Variants in SRM observed in about 807,000 individuals in gnomAD.
SRM encodes the protein putrescine aminopropyltransferase.
A neutral mutation model predicts 39.3 loss-of-function variants in SRM; 14 were observed. The observed-to-expected ratio is 0.36, with a 90% CI of 0.24 to 0.56. The LOEUF is 0.56. Ranked by LOEUF, SRM falls within the 20% of genes least tolerant of loss-of-function variation. The probability of loss-of-function intolerance (pLI) is 0.86; values close to 1 mark genes in which losing one functional copy is unlikely to be tolerated. For synonymous variants in SRM, 195 were observed against 173.1 expected, an observed-to-expected ratio of 1.13 and a Z score of -0.99; for missense variants, 244 against 409.2, an observed-to-expected ratio of 0.60 and a Z score of 3.48.
intron 6 of SRM, 163 bp from the exon 7 acceptor site, chr1:11,055,247 G>A (rs1638851880): frequency 7.6e-6 from 8 of 1,053,308 alleles, no homozygotes; most frequent in East Asian, 2.9e-5. Context: ...CCTCAGGTAC[G>A]CGCCACCACG....
chr1:11,055,261 G>A lies in SRM; in HGVS notation c.766-177C>T, dbSNP rs529964710. The A allele has an allele frequency of 5.5e-5, 53 of 964,426 alleles. 1 individual carries two copies. In the South Asian group the frequency reaches 8.6e-4, roughly 16 times the overall value. The allele number at this position is 964,426 out of a possible 1,614,324, so 59.7% of individuals were successfully genotyped here. A position where few individuals can be genotyped will look rare whatever the true frequency, so the allele number is the denominator to read the frequency against. Reference sequence around the variant, plus strand: ...GCCTCAGGTACGCGCCACCACGCCCGGCTAATTTTTTTTTTTTTTGTATTT... The same window carrying A: ...GCCTCAGGTACGCGCCACCACGCCCAGCTAATTTTTTTTTTTTTTGTATTT... On this transcript the variant is annotated intron_variant, in intron 6 of 7. Coordinates refer to ENST00000376957, the MANE Select transcript of SRM (RefSeq NM_003132.3).
At chr1:11,058,673 C>G in intron 3 of SRM, 127 bp downstream of exon 3, 1 of 808,200 alleles carries the variant, frequency 1.2e-6, no homozygotes, top group Admixed American at 3.2e-5. Context: ...GAACCCTCCC[C>G]GACCAGGTGT....
rs1167217042 is a variant in SRM at position 11,059,207 on chromosome 1, C to T, written c.288+18G>A. 3 of 1,613,352 alleles carry T rather than the reference C, an allele frequency of 1.9e-6. No homozygotes were observed. The South Asian group carries it at 3.3e-5, about 18-fold the overall frequency. ...GGCCGCCCCTCGTCCGGCACTGTTC[C>T]AGGGGACACTGGGGTACCTTTCGCG... On this transcript the variant is annotated intron_variant, in intron 2 of 7. Coordinates refer to ENST00000376957, the MANE Select transcript of SRM (RefSeq NM_003132.3).
intron 1 of SRM, 179 bp from the exon 2 acceptor site, chr1:11,059,524 CG>C: frequency 1.8e-6 from 2 of 1,112,262 alleles, no homozygotes; most frequent in Non-Finnish European, 2.5e-6. Context: ...GGGTGGGACC[CG>C]GGGTCTCCTC....
rs1283018255 is a variant in SRM at position 11,055,793 on chromosome 1, G to T, written c.753C>A (p.Cys251Ter). Reference protein sequence around the residue: ...YPSGQIGFMLCSKNPSTNFQE... With the variant: ...YPSGQIGFML ...ACCCCCATCTCACCGGGTTCTTGCT[G>T]CACAGCATGAAGCCGATCTGGCCGC... is the stretch of plus-strand genomic sequence containing the variant. Residue 251 changes from cysteine (C) to a stop codon, truncating the protein, a stop_gained, in exon 6 of 8, where the codon TGC becomes TGA. Transcript: ENST00000376957. LOFTEE classifies it high-confidence loss of function. The T allele has an allele frequency of 6.3e-7, 1 of 1,578,072 alleles. No individual in the cohort carries two copies. The highest frequency in any genetic ancestry group is 8.6e-7 in the Non-Finnish European group (1 of 1,161,492).
In SRM at chr1:11,055,061, C is replaced by A. The variant is rs1322154940; in HGVS notation, c.789G>T (p.Val263=). 2 of 1,611,066 alleles carry A rather than the reference C, an allele frequency of 1.2e-6. No homozygotes were observed. Among genetic ancestry groups the A allele is most frequent in the Admixed American group, 3.3e-5 (2 of 59,950 alleles). ...CCACCTGCTGCTGTGTCAGCGGCTG[C>A]ACCGGCTCCTGGAAGTTCGTGCTCT... ...KNPSTNFQEP[V]QPLTQQQVAQ... The change falls in exon 7 of 8, where the codon GTG becomes GTT. Residue 263 remains valine, a synonymous_variant. Transcript: ENST00000376957.
rs952128341 is a variant in SRM at position 11,058,859 on chromosome 1, G to A, written c.322C>T (p.Leu108=). Reference sequence around the variant, plus strand: ...GAGGGGTGCTTCACCACCTCCCGCAGGACACCTCCATCTCCGCCCCCGATG... The same window carrying A: ...GAGGGGTGCTTCACCACCTCCCGCAAGACACCTCCATCTCCGCCCCCGATG... The part of the protein sequence containing the change: ...LIIGGGDGGV[L]REVVKHPSVE... Residue 108 remains leucine, a synonymous_variant, in exon 3 of 8, where the codon CTG becomes TTG. Transcript: ENST00000376957. 8 of 1,611,590 alleles carry A rather than the reference G, an allele frequency of 5.0e-6. No individual in the cohort carries two copies. The highest frequency in any genetic ancestry group is 6.8e-6 in the Non-Finnish European group (8 of 1,179,562).
At chr1:11,058,777 C>G (rs376350864) in intron 3 of SRM, 23 bp downstream of exon 3, 163 of 1,587,386 alleles carry the variant, frequency 1.0e-4, no homozygotes, top group Admixed American at 4.4e-4. Context: ...AGGACTCAAA[C>G]CTGGCTCTAC....
intron 1 of SRM, 191 bp downstream of exon 1, chr1:11,059,586 G>C: frequency 1.1e-6 from 1 of 911,984 alleles, no homozygotes. Flanking sequence ...CGCAGACTCC[G>C]ACTCCCCCAC....
intron 3 of SRM, 110 bp from the exon 4 acceptor site, chr1:11,056,867 C>A (rs1294789150): frequency 6.3e-6 from 7 of 1,110,002 alleles, no homozygotes; most frequent in Non-Finnish European, 9.1e-6. Context: ...CTTGGCCAAC[C>A]CCTTCCCTTT....
intron 3 of SRM, among the ~76,000 whole-genome samples, chr1:11,057,269 C>T (rs1161277665): frequency 3.3e-5 from 5 of 151,936 alleles, no homozygotes; most frequent in Admixed American, 6.6e-5. Flanking sequence ...CCCATCCCTA[C>T]CCCCTCCTTC....
At position 11,056,105 on chromosome 1, in the gene SRM, CAGAG is replaced by C. The variant is rs1557682788; in HGVS notation, c.536-15_536-12del. The C allele has an allele frequency of 6.2e-7, 1 of 1,600,024 alleles. No individual in the cohort carries two copies. ...GACTTTCGGCGGGGCCTGGGGAAGACAGAGGGAGACACACTGAACAGTCTGGCTG... is the reference window on the plus strand; with the variant it reads ...GACTTTCGGCGGGGCCTGGGGAAGACGGAGACACACTGAACAGTCTGGCTG... On this transcript the variant is annotated splice_polypyrimidine_tract_variant and intron_variant, in intron 4 of 7. Transcript: ENST00000376957.
At chr1:11,056,403 C>T (rs1638878228) in intron 4 of SRM, among the ~76,000 whole-genome samples, 2 of 152,236 alleles carry the variant, frequency 1.3e-5, no homozygotes, top group Non-Finnish European at 1.5e-5. Context: ...TGGTCACCAG[C>T]TTGTGAATCT....
chr1:11,056,516 C>T (rs992217873), intron 4 of SRM, 88 bp downstream of exon 4: 14 of 1,516,216 alleles, frequency 9.2e-6, no homozygotes, highest in Middle Eastern at 2.4e-4. Flanking sequence ...GGTGGGAGGC[C>T]GCTCTATCCT....
intron 1 of SRM, 25 bp from the exon 2 acceptor site, chr1:11,059,370 A>T (rs776834248): frequency 6.2e-7 from 1 of 1,610,614 alleles, no homozygotes; most frequent in Non-Finnish European, 8.5e-7. Flanking sequence ...ACAGTCGGGG[A>T]CCTGGGTTCT....
chr1:11,056,623 A>C lies in SRM; in HGVS notation c.516T>G (p.Thr172=), dbSNP rs766763700. 6.2e-7 allele frequency: 1 copy of C among 1,614,206 alleles called. No homozygotes were observed. The highest frequency in any genetic ancestry group is 1.7e-5 in the Admixed American group (1 of 60,028). ...GCTTACCCATGGGGTCTGAGGAGTC[A>C]GTGATGATCACGTCGAAGGCATCCT... ...QNQDAFDVII[T]DSSDPMGPAE... Residue 172 remains threonine (T), a synonymous_variant, in exon 4 of 8, where the codon ACT becomes ACG. Coordinates refer to ENST00000376957, the MANE Select transcript of SRM (RefSeq NM_003132.3).
intron 4 of SRM, 118 bp downstream of exon 4, chr1:11,056,486 A>G: frequency 7.9e-7 from 1 of 1,273,056 alleles, no homozygotes; most frequent in Non-Finnish European, 1.1e-6. Context: ...AGAAGGGAAA[A>G]GTACAGCTCT....
chr1:11,054,710 C>T lies in SRM; in HGVS notation c.*155G>A. The T allele has an allele frequency of 9.0e-7, 1 of 1,115,068 alleles. No homozygotes were observed. The allele number at this position is 1,115,068 out of a possible 1,614,324, so 69.1% of individuals were successfully genotyped here. On this transcript the variant is annotated 3_prime_UTR_variant, in exon 8 of 8. Coordinates refer to ENST00000376957, the MANE Select transcript of SRM (RefSeq NM_003132.3). The surrounding 1 kb of genome is among the most constrained non-coding windows in gnomAD (Gnocchi z 4.8). Reference sequence around the variant, plus strand: ...GAGAGACAGACACACAGACAGTCCGCCCAGCAGGGCAGGCCGGGCAGCATT... The same window carrying T: ...GAGAGACAGACACACAGACAGTCCGTCCAGCAGGGCAGGCCGGGCAGCATT...
chr1:11,059,998 C>CGGGA lies in SRM; in HGVS notation c.-56_-55insTCCC. On this transcript the variant is annotated 5_prime_UTR_variant, in exon 1 of 8. Coordinates refer to ENST00000376957, the MANE Select transcript of SRM (RefSeq NM_003132.3). ...GCCCGGGACTGCAGGCCGCGCGGCG[C>CGGGA]CGCAGCACAACGGGACCAGCTCCGC... is the stretch of plus-strand genomic sequence containing the variant. The CGGGA allele has an allele frequency of 1.1e-6, 1 of 919,386 alleles. No individual in the cohort carries two copies. The highest frequency in any genetic ancestry group is 1.8e-5 in the African/African-American group (1 of 55,596). 57.0% of individuals were successfully genotyped at this position (919,386 alleles called of 1,614,324 possible).
Sources: gnomAD v4.1 joint callset for allele counts (sites outside exome capture counted in the v4.1 genomes callset) on GRCh38, gnomAD v4.1.1 for gene constraint, Gnocchi (gnomAD v3.1) non-coding constraint, MANE v1.5 for transcripts, NCBI Gene and HGNC (gene_info 2026-07-23, HGNC 2026-07-21) for gene names.